Variants in RBL2 observed in about 807,000 individuals in gnomAD.
RBL2 encodes the protein RB transcriptional corepressor like 2.
RBL2 carries 56 observed loss-of-function variants against 126.0 expected under a neutral mutation model. That is an observed-to-expected ratio of 0.44 (90% CI 0.36 to 0.56). RBL2 has a LOEUF of 0.56. Ranked by LOEUF, RBL2 falls within the 20% of genes least tolerant of loss-of-function variation. The pLI, the probability that RBL2 is intolerant of heterozygous loss-of-function variation, is 0.00. For synonymous variants in RBL2, 454 were observed against 478.5 expected, an observed-to-expected ratio of 0.95 and a Z score of 0.67; for missense variants, 1,229 against 1,398.2, an observed-to-expected ratio of 0.88 and a Z score of 1.93.
At chr16:53,449,860 A>G (rs538957918) in intron 4 of RBL2, among the ~76,000 whole-genome samples, 1 of 152,212 alleles carries the variant, frequency 6.6e-6, no homozygotes, top group South Asian at 2.1e-4. Context: ...GATTTGAAAT[A>G]GAAAATACGT....
rs756763534 is a variant in RBL2 at position 53,457,258 on chromosome 16, C to CT, written c.1180-2174dup. ...GGGTCATCAGGGTGGGTACAGATAG[C>CT]TTTTTTTTTTTTTTTTTTTGAGATG... is the stretch of plus-strand genomic sequence containing the variant. On this transcript the variant is annotated intron_variant, in intron 8 of 21. Coordinates refer to ENST00000262133, the MANE Select transcript of RBL2 (RefSeq NM_005611.4). 2.1e-3 allele frequency among the ~76,000 whole-genome samples: 189 copies of CT among 89,930 alleles called. 8 individuals carry two copies. The highest frequency in any genetic ancestry group is 8.1e-3 in the Middle Eastern group (1 of 124). 59.0% of individuals were successfully genotyped at this position (89,930 alleles called of 152,430 possible). A position where few individuals can be genotyped will look rare whatever the true frequency, so the allele number is the denominator to read the frequency against.
At chr16:53,465,659 TAATC>T in intron 13 of RBL2, 57 bp downstream of exon 13, 1 of 1,339,008 alleles carries the variant, frequency 7.5e-7, no homozygotes, top group Non-Finnish European at 9.9e-7. Flanking sequence ...AATCTATTAA[TAATC>T]CTTTTGGGGA....
chr16:53,477,142 GACTT>G (rs1960755082), intron 17 of RBL2, among the ~76,000 whole-genome samples: 1 of 151,996 alleles, frequency 6.6e-6, no homozygotes, highest in South Asian at 2.1e-4. Context: ...AGATTATACT[GACTT>G]AATTCCAGTG....
At chr16:53,468,968 G>A (rs2058295005) in intron 14 of RBL2, among the ~76,000 whole-genome samples, 1 of 152,144 alleles carries the variant, frequency 6.6e-6, no homozygotes, top group Non-Finnish European at 1.5e-5. Flanking sequence ...TAAAAAACTA[G>A]CCTGTAATAC....
In RBL2 at chr16:53,467,136, G is replaced by A. The variant is rs1365294798; in HGVS notation, c.1942G>A (p.Glu648Lys). Residue 648 changes from glutamate (E) to lysine (K), a missense_variant, in exon 14 of 22, where the codon GAA (glutamate) becomes AAA (lysine). Transcript: ENST00000262133. ...CCCTTTGACTCCCAGAAGGGTGACT[G>A]AAGTTCGTGCTGATACTGGAGGACT... ...GSPLTPRRVTEVRADTGGLGR... is the reference protein window; with the variant it reads ...GSPLTPRRVTKVRADTGGLGR... 5 of 1,613,950 alleles carry A rather than the reference G, an allele frequency of 3.1e-6. No individual in the cohort carries two copies. Among genetic ancestry groups the A allele is most frequent in the East Asian group, 2.2e-5 (1 of 44,860 alleles).
In RBL2 at chr16:53,450,423, T is replaced by G. The variant is rs1016124624; in HGVS notation, c.638-1280T>G. On this transcript the variant is annotated intron_variant, in intron 4 of 21. Coordinates refer to ENST00000262133, the MANE Select transcript of RBL2 (RefSeq NM_005611.4). ...TGAGGTTTGGAAATAATTCTTCATA[T>G]GTATGTTAGCTATTTAAATTGAATT... is the stretch of plus-strand genomic sequence containing the variant. Among the ~76,000 whole-genome samples, 3 of 152,292 alleles carry G rather than the reference T, an allele frequency of 2.0e-5. No homozygotes were observed. In the South Asian group the frequency reaches 6.2e-4, roughly 32 times the overall value.
rs1961376088 is a variant in RBL2, at chr16:53,490,494, C to CT, written c.*201dup. 2 of 421,312 alleles carry CT rather than the reference C, an allele frequency of 4.7e-6. No homozygotes were observed. The highest frequency in any genetic ancestry group is 8.2e-6 in the Non-Finnish European group (2 of 244,672). 26.1% of individuals were successfully genotyped at this position (421,312 alleles called of 1,614,324 possible). On this transcript the variant is annotated 3_prime_UTR_variant, in exon 22 of 22. Transcript: ENST00000262133. ...GAACATTTTAATTCATCCCAACTGT[C>CT]TTTTTTTCCCTACCATTCAGTGATT...
rs28439004 is a variant in RBL2, at chr16:53,467,283, A to G, written c.1975+114A>G. ...ATACATAGAAGAAAATATTCTATGCATTTTTGTACCACATGGATCACTTAA... is the reference window on the plus strand; with the variant it reads ...ATACATAGAAGAAAATATTCTATGCGTTTTTGTACCACATGGATCACTTAA... On this transcript the variant is annotated intron_variant, in intron 14 of 21. Transcript: ENST00000262133. 5,525 of 816,722 alleles carry G rather than the reference A, an allele frequency of 6.8e-3. 37 individuals carry two copies. Among genetic ancestry groups the G allele is most frequent in the Non-Finnish European group, 8.3e-3 (4,246 of 514,116 alleles). The allele number at this position is 816,722 out of a possible 1,614,324, so 50.6% of individuals were successfully genotyped here.
Position 53,479,971 on chromosome 16 carries a change from C to G in RBL2, c.2861C>G (p.Thr954Arg). The G allele has an allele frequency of 6.2e-7, 1 of 1,601,688 alleles. No individual in the cohort carries two copies. Among genetic ancestry groups the G allele is most frequent in the South Asian group, 1.1e-5 (1 of 89,374 alleles). The stretch of plus-strand genomic sequence containing the variant: ...AGCAGAAGCCATCAGAATTCTCCAA[C>G]AGAACTAAACAAAGATAGAAGTAAG... ...SDSRSHQNSP[T>R]ELNKDRTSRD... The change falls in exon 19 of 22, where the codon ACA becomes AGA. Residue 954 changes from threonine to arginine, a missense_variant. By Grantham distance (71) the Thr-to-Arg change is moderately conservative (BLOSUM62 -1). This residue lies in a region of RBL2 where 1,070 missense variants were observed against 1,274.3 expected (regional missense o/e 0.84). Transcript: ENST00000262133.
chr16:53,486,604 T>G (rs1961185758), intron 21 of RBL2, among the ~76,000 whole-genome samples: 1 of 152,202 alleles, frequency 6.6e-6, no homozygotes, highest in Non-Finnish European at 1.5e-5. Context: ...TTCATTAATG[T>G]AAAAACTCTC....
chr16:53,435,609 A>G, intron 1 of RBL2: 1 of 1,270,616 alleles, frequency 7.9e-7, no homozygotes, highest in Non-Finnish European at 1.0e-6. Context: ...GTGACACGGA[A>G]GTACGGATTG....
intron 12 of RBL2, 30 bp from the exon 13 acceptor site, chr16:53,465,408 T>C (rs755754758): frequency 7.4e-7 from 1 of 1,347,450 alleles, no homozygotes; most frequent in South Asian, 2.1e-5. Flanking sequence ...TTAATAATTA[T>C]TCAGTGAACC....
chr16:53,440,110 A>G (rs762013675), intron 2 of RBL2, among the ~76,000 whole-genome samples: 5 of 152,238 alleles, frequency 3.3e-5, no homozygotes, highest in Middle Eastern at 6.8e-3. Flanking sequence ...AGCCTGGCCA[A>G]TATGGTGAAA....
intron 8 of RBL2, among the ~76,000 whole-genome samples, chr16:53,456,109 C>T (rs978172292): frequency 1.3e-5 from 2 of 151,948 alleles, no homozygotes; most frequent in African/African-American, 2.4e-5. Flanking sequence ...CCAGGAGTTC[C>T]AGGCTGCAGT....
chr16:53,461,821 C>T lies in RBL2; in HGVS notation c.1427C>T (p.Pro476Leu). Residue 476 changes from proline to leucine, a missense_variant, in exon 10 of 22, where the codon CCA becomes CTA. By Grantham distance (98) the Pro-to-Leu change is moderately conservative. Coordinates refer to ENST00000262133, the MANE Select transcript of RBL2 (RefSeq NM_005611.4). The stretch of plus-strand genomic sequence containing the variant: ...GAAATATATTCTCAGCATTTCCAGC[C>T]AGACGAGGATTTCAGTAATTGTGCT... Reference protein sequence around the residue: ...MFEIYSQHFQPDEDFSNCAKE... With the variant: ...MFEIYSQHFQLDEDFSNCAKE... The T allele has an allele frequency of 6.2e-7, 1 of 1,612,260 alleles. No individual in the cohort carries two copies. The highest frequency in any genetic ancestry group is 8.5e-7 in the Non-Finnish European group (1 of 1,178,962).
At position 53,452,279 on chromosome 16, in the gene RBL2, T is replaced by C. The variant is rs113567104; in HGVS notation, c.766+448T>C. The stretch of plus-strand genomic sequence containing the variant: ...CTTTCATCTTTTAAACTAACAGATA[T>C]ATGGAAATGATGATTTTGGCATTGC... On this transcript the variant is annotated intron_variant, in intron 5 of 21. Coordinates refer to ENST00000262133, the MANE Select transcript of RBL2 (RefSeq NM_005611.4). Among the ~76,000 whole-genome samples, 988 of 152,322 alleles carry C rather than the reference T, an allele frequency of 6.5e-3. 9 individuals are homozygous for C. The highest frequency in any genetic ancestry group is 0.022 in the African/African-American group (915 of 41,580).
rs1490747680 is a variant in RBL2 at position 53,490,111 on chromosome 16, T to TATC, written c.3250-18_3250-16dup. ...GTGCATTTGCATTTTAAAATTTTTG[T>TATC]ATCTTTTTCCCACCATAGAGACTGA... On this transcript the variant is annotated intron_variant, in intron 21 of 21. Transcript: ENST00000262133. 1 of 1,524,262 alleles carries TATC rather than the reference T, an allele frequency of 6.6e-7. No individual in the cohort carries two copies. Among genetic ancestry groups the TATC allele is most frequent in the East Asian group, 2.3e-5 (1 of 43,566 alleles). 94.4% of individuals were successfully genotyped at this position (1,524,262 alleles called of 1,614,324 possible). A position where few individuals can be genotyped will look rare whatever the true frequency, so the allele number is the denominator to read the frequency against.
chr16:53,489,338 T>A (rs972244080), intron 21 of RBL2: 4 of 152,234 alleles, frequency 2.6e-5, no homozygotes, highest in African/African-American at 9.6e-5. Flanking sequence ...CAATTTCCTA[T>A]AATAGATATC....
At chr16:53,444,373 C>T (rs762888314) in intron 3 of RBL2, among the ~76,000 whole-genome samples, 31 of 151,610 alleles carry the variant, frequency 2.0e-4, no homozygotes, top group Non-Finnish European at 2.5e-4. Flanking sequence ...GCCAACGTGG[C>T]GAAACCCCGT....
Sources: allele counts gnomAD v4.1 joint callset (sites outside exome capture counted in the v4.1 genomes callset), GRCh38; gene constraint gnomAD v4.1.1; regional missense constraint gnomAD v4.1.1; transcripts MANE v1.5; gene names NCBI Gene and HGNC (gene_info 2026-07-23, HGNC 2026-07-21).